TRIM24: variants seen among roughly 807,000 people sequenced by gnomAD.
TRIM24 encodes tripartite motif containing 24, also known as transcription intermediary factor 1-alpha.
Under a neutral mutation model 123.9 loss-of-function variants are expected in TRIM24, and 29 were observed. The ratio of observed to expected loss-of-function variants is 0.23; its 90% CI spans 0.17 to 0.32. The LOEUF (loss-of-function observed/expected upper bound fraction) is 0.32. TRIM24 is among the 10% of genes least tolerant of loss of function. The pLI is 1.00. For missense variants in TRIM24, 932 were observed against 1,295.3 expected, an observed-to-expected ratio of 0.72 and a Z score of 4.31; for synonymous variants, 456 against 461.1, an observed-to-expected ratio of 0.99 and a Z score of 0.14.
At chr7:138,536,882 C>T (rs1009512928) in intron 6 of TRIM24, among the ~76,000 whole-genome samples, 14 of 152,002 alleles carry the variant, frequency 9.2e-5, no homozygotes, top group South Asian at 2.1e-4. Flanking sequence ...GCTTCCTGGC[C>T]GCTTTGTTTA....
In TRIM24 at chr7:138,586,244, T is replaced by C. The variant is rs1373129859; in HGVS notation, c.*1293T>C. Reference sequence around the variant, plus strand: ...CATTAATCCAGCATTTGACACAATATCTAAATGGTTTGCCGAAGTTAATCT... The same window carrying C: ...CATTAATCCAGCATTTGACACAATACCTAAATGGTTTGCCGAAGTTAATCT... On this transcript the variant is annotated 3_prime_UTR_variant, in exon 19 of 19. Coordinates refer to ENST00000343526, the MANE Select transcript of TRIM24 (RefSeq NM_015905.3). 1 of 177,774 alleles carries C rather than the reference T, an allele frequency of 5.6e-6. No individual in the cohort carries two copies. Among genetic ancestry groups the C allele is most frequent in the East Asian group, 1.5e-4 (1 of 6,612 alleles). The allele number at this position is 177,774 out of a possible 1,614,324, so 11.0% of individuals were successfully genotyped here.
chr7:138,553,887 C>G (rs1797262099), intron 8 of TRIM24, among the ~76,000 whole-genome samples: 1 of 152,154 alleles, frequency 6.6e-6, no homozygotes, highest in African/African-American at 2.4e-5. Flanking sequence ...AAGAAGAGAC[C>G]TGGAGCCAGT....
intron 12 of TRIM24, among the ~76,000 whole-genome samples, chr7:138,574,876 T>A (rs1797724267): frequency 6.6e-6 from 1 of 152,208 alleles, no homozygotes; most frequent in African/African-American, 2.4e-5. Context: ...AATTTCCATT[T>A]TAATATGCCA....
At chr7:138,494,098 C>T (rs1428503838) in intron 1 of TRIM24, among the ~76,000 whole-genome samples, 1 of 152,058 alleles carries the variant, frequency 6.6e-6, no homozygotes, top group Non-Finnish European at 1.5e-5. Context: ...TATCTCGCCT[C>T]AGCCTCCCAA....
At chr7:138,537,849 G>T (rs187491619) in intron 6 of TRIM24, among the ~76,000 whole-genome samples, 3 of 152,298 alleles carry the variant, frequency 2.0e-5, no homozygotes, top group Admixed American at 2.0e-4. Context: ...AGTCCATGTT[G>T]TAGTATAGCA....
At chr7:138,578,560 GTGTGCGCGCA>G (rs1487042946) in intron 14 of TRIM24, among the ~76,000 whole-genome samples, 3 of 129,360 alleles carry the variant, frequency 2.3e-5, no homozygotes, top group African/African-American at 8.2e-5. Context: ...GTGTGTGTGT[GTGTGCGCGCA>G]CGCACGAATG....
intron 1 of TRIM24, among the ~76,000 whole-genome samples, chr7:138,502,483 C>T (rs952705059): frequency 6.6e-6 from 1 of 152,146 alleles, no homozygotes; most frequent in African/African-American, 2.4e-5. Flanking sequence ...ATGAAGAGGG[C>T]TAATCTAGGT....
intron 5 of TRIM24, among the ~76,000 whole-genome samples, chr7:138,528,410 C>G (rs1796657474): frequency 6.6e-6 from 1 of 152,158 alleles, no homozygotes; most frequent in Admixed American, 6.5e-5. Context: ...ATAATATTAT[C>G]AAGACTTTCC....
intron 2 of TRIM24, among the ~76,000 whole-genome samples, chr7:138,510,795 G>T (rs1796269948): frequency 6.6e-6 from 1 of 152,092 alleles, no homozygotes; most frequent in South Asian, 2.1e-4. Flanking sequence ...ACTTGATTAG[G>T]CAGGTTCATT....
At chr7:138,507,338 C>T (rs1796171080) in intron 2 of TRIM24, among the ~76,000 whole-genome samples, 1 of 151,514 alleles carries the variant, frequency 6.6e-6, no homozygotes, top group Admixed American at 6.6e-5. Context: ...TTATTCCAGC[C>T]ATTATATGAT....
intron 14 of TRIM24, among the ~76,000 whole-genome samples, chr7:138,578,684 A>C (rs1001597637): frequency 6.6e-6 from 1 of 152,222 alleles, no homozygotes; most frequent in Non-Finnish European, 1.5e-5. Context: ...CATTTTATTT[A>C]GAAATATGGA....
chr7:138,521,607 A>G (rs1796505470), intron 4 of TRIM24, among the ~76,000 whole-genome samples: 1 of 152,250 alleles, frequency 6.6e-6, no homozygotes, highest in Non-Finnish European at 1.5e-5. Context: ...CAAATATACT[A>G]TAATTATACT....
At chr7:138,498,060 A>G (rs939334637) in intron 1 of TRIM24, among the ~76,000 whole-genome samples, 16 of 150,958 alleles carry the variant, frequency 1.1e-4, no homozygotes, top group African/African-American at 3.9e-4. Context: ...TCACTCTGTC[A>G]CCTAGGCTGG....
intron 1 of TRIM24, among the ~76,000 whole-genome samples, chr7:138,478,703 C>T (rs1795459222): frequency 1.3e-5 from 2 of 152,084 alleles, no homozygotes; most frequent in Admixed American, 1.3e-4. Flanking sequence ...GAGCAAGTGG[C>T]TCAGTGCTCC....
intron 9 of TRIM24, among the ~76,000 whole-genome samples, chr7:138,563,483 G>A (rs934495445): frequency 6.6e-6 from 1 of 152,088 alleles, no homozygotes; most frequent in Admixed American, 6.5e-5. Flanking sequence ...TACCGTAAGG[G>A]TCACTGCTAA....
chr7:138,521,690 G>A (rs998556248), intron 4 of TRIM24, among the ~76,000 whole-genome samples: 9 of 152,236 alleles, frequency 5.9e-5, no homozygotes, highest in African/African-American at 1.9e-4. Context: ...ATAGAAAAAT[G>A]TGCTATTTTC....
intron 7 of TRIM24, among the ~76,000 whole-genome samples, chr7:138,544,409 G>A (rs2116618741): frequency 6.6e-6 from 1 of 152,080 alleles, no homozygotes; most frequent in East Asian, 1.9e-4. Context: ...CAATTTATTT[G>A]TCCATGCATC....
chr7:138,517,537 C>G (rs1251775584), intron 3 of TRIM24, among the ~76,000 whole-genome samples: 2 of 152,046 alleles, frequency 1.3e-5, no homozygotes, highest in Non-Finnish European at 1.5e-5. Context: ...CCATGCCTGG[C>G]TAATTTTTCT....
At chr7:138,473,992 G>A (rs765830434) in intron 1 of TRIM24, among the ~76,000 whole-genome samples, 1 of 152,008 alleles carries the variant, frequency 6.6e-6, no homozygotes, top group African/African-American at 2.4e-5. Flanking sequence ...TCTGGTCTTG[G>A]ACTTCTGAGC....
Sources: gnomAD v4.1 joint callset for allele counts (sites outside exome capture counted in the v4.1 genomes callset) on GRCh38, gnomAD v4.1.1 for gene constraint, MANE v1.5 for transcripts, NCBI Gene and HGNC (gene_info 2026-07-23, HGNC 2026-07-21) for gene names.